The following STK4 variants were observed in gnomAD, a reference collection of about 807,000 sequenced individuals.
STK4 encodes the protein serine/threonine kinase 4.
Under a neutral mutation model 64.9 loss-of-function variants are expected in STK4, and 30 were observed. That is an observed-to-expected ratio of 0.46 (90% confidence interval 0.35 to 0.63). The LOEUF (loss-of-function observed/expected upper bound fraction) is 0.63. Among genes scored for constraint, STK4 ranks in the 20% least tolerant of loss-of-function variants. STK4 has a pLI of 0.01. For missense variants in STK4, 466 were observed against 598.5 expected, an observed-to-expected ratio of 0.78 and a Z score of 2.31; for synonymous variants, 177 against 199.0, an observed-to-expected ratio of 0.89 and a Z score of 0.93.
chr20:45,057,039 G>A (rs1375868132), intron 10 of STK4, among the ~76,000 whole-genome samples: 1 of 152,210 alleles, frequency 6.6e-6, no homozygotes, highest in Admixed American at 6.5e-5. Flanking sequence ...AGCAGGGTGT[G>A]GGCCCTGGCT....
At chr20:45,031,590 A>G (rs911324018) in intron 10 of STK4, among the ~76,000 whole-genome samples, 2 of 152,162 alleles carry the variant, frequency 1.3e-5, no homozygotes, top group African/African-American at 2.4e-5. Flanking sequence ...ACTAAAAGAA[A>G]GTGGGTGAAA....
intron 4 of STK4, among the ~76,000 whole-genome samples, chr20:44,984,870 C>G (rs2067505301): frequency 6.6e-6 from 1 of 151,726 alleles, no homozygotes; most frequent in Non-Finnish European, 1.5e-5. Flanking sequence ...TATGTTGGAA[C>G]TGCTGGGCTC....
intron 10 of STK4, among the ~76,000 whole-genome samples, chr20:45,068,560 G>A (rs1979785116): frequency 6.6e-6 from 1 of 152,342 alleles, no homozygotes; most frequent in South Asian, 2.1e-4. Context: ...TTCTGAATGT[G>A]AGGGCCATCT....
chr20:44,972,291 T>G (rs2067261832), intron 2 of STK4, 133 bp downstream of exon 2: 1 of 739,780 alleles, frequency 1.4e-6, no homozygotes, highest in Non-Finnish European at 2.3e-6. Context: ...TGTGATGTCC[T>G]TCTTCGCTTT....
At chr20:45,074,876 C>G in intron 10 of STK4, 142 bp from the exon 11 acceptor site, 1 of 909,968 alleles carries the variant, frequency 1.1e-6, no homozygotes, top group Non-Finnish European at 1.6e-6. Flanking sequence ...ACTTTCCAAC[C>G]ACCACCACTC....
chr20:45,040,633 CTTT>C (rs11476443), intron 10 of STK4, among the ~76,000 whole-genome samples: 4 of 142,610 alleles, frequency 2.8e-5, no homozygotes, highest in African/African-American at 2.6e-5. Flanking sequence ...GGAAACAGAC[CTTT>C]TTTTTTTTTT....
chr20:44,968,238 A>G (rs568713005), intron 1 of STK4, among the ~76,000 whole-genome samples: 1 of 152,194 alleles, frequency 6.6e-6, no homozygotes, highest in South Asian at 2.1e-4. Context: ...TCTGGGTTCA[A>G]GCGATTCTCC....
chr20:44,968,167 T>G (rs977588974), intron 1 of STK4, among the ~76,000 whole-genome samples: 1 of 151,776 alleles, frequency 6.6e-6, no homozygotes, highest in African/African-American at 2.4e-5. Context: ...AGACGGAGTC[T>G]CACTCTGTCG....
chr20:45,049,507 A>T (rs1475323402), intron 10 of STK4, among the ~76,000 whole-genome samples: 1 of 152,176 alleles, frequency 6.6e-6, no homozygotes, highest in African/African-American at 2.4e-5. Flanking sequence ...ATAAACTACA[A>T]CTATTCTTTT....
At chr20:44,980,307 G>A (rs2067415128) in intron 3 of STK4, among the ~76,000 whole-genome samples, 3 of 152,074 alleles carry the variant, frequency 2.0e-5, no homozygotes, top group Admixed American at 2.0e-4. Context: ...CTTGTCACTG[G>A]CATGTTTCCT....
At chr20:45,023,982 G>A (rs527422921) in intron 9 of STK4, among the ~76,000 whole-genome samples, 2 of 142,316 alleles carry the variant, frequency 1.4e-5, no homozygotes, top group Admixed American at 1.5e-4. Flanking sequence ...CTAACTGCAA[G>A]CTCTGCCTCC....
At chr20:45,051,771 A>G (rs1447004912) in intron 10 of STK4, among the ~76,000 whole-genome samples, 3 of 152,208 alleles carry the variant, frequency 2.0e-5, no homozygotes, top group Admixed American at 6.5e-5. Context: ...TGTTTAGGTC[A>G]GGCTTGCAGG....
intron 9 of STK4, among the ~76,000 whole-genome samples, chr20:45,008,067 A>AT (rs2067980959): frequency 6.6e-6 from 1 of 152,136 alleles, no homozygotes; most frequent in African/African-American, 2.4e-5. Flanking sequence ...ACATAATTGC[A>AT]TTTTTTTAAC....
At chr20:45,029,963 C>G (rs1444818526) in intron 10 of STK4, among the ~76,000 whole-genome samples, 1 of 152,086 alleles carries the variant, frequency 6.6e-6, no homozygotes, top group Non-Finnish European at 1.5e-5. Flanking sequence ...CAAAGAAGCA[C>G]ATAAAATATG....
At chr20:45,033,465 G>A (rs2068477495) in intron 10 of STK4, among the ~76,000 whole-genome samples, 1 of 152,032 alleles carries the variant, frequency 6.6e-6, no homozygotes, top group African/African-American at 2.4e-5. Context: ...TTTAAGGAGG[G>A]GGGTCCAGTT....
intron 10 of STK4, 76 bp from the exon 11 acceptor site, chr20:45,074,941 TG>T: frequency 6.4e-7 from 1 of 1,562,436 alleles, no homozygotes; most frequent in Non-Finnish European, 8.8e-7. Context: ...TCTGGGTGCC[TG>T]GGAAGGCTGG....
At chr20:45,021,493 A>G (rs1219456684) in intron 9 of STK4, among the ~76,000 whole-genome samples, 2 of 152,240 alleles carry the variant, frequency 1.3e-5, no homozygotes, top group Non-Finnish European at 2.9e-5. Context: ...TTCTGGAATC[A>G]CTAAATACAA....
chr20:45,073,420 T>A (rs987333527), intron 10 of STK4, among the ~76,000 whole-genome samples: 1 of 152,072 alleles, frequency 6.6e-6, no homozygotes, highest in African/African-American at 2.4e-5. Flanking sequence ...ACAGGCCATT[T>A]CTAGGGAGGC....
intron 5 of STK4, among the ~76,000 whole-genome samples, chr20:44,988,533 G>GTGTGTGTGTGTGTATATATATA (rs1221720136): frequency 6.9e-5 from 7 of 101,576 alleles, no homozygotes; most frequent in African/African-American, 3.3e-4. Context: ...ATGTGTGTGT[G>GTGTGTGTGTGTGTATATATATA]TATATATATA....
Sources: gnomAD v4.1 joint callset for allele counts (sites outside exome capture counted in the v4.1 genomes callset) on GRCh38, gnomAD v4.1.1 for gene constraint, MANE v1.5 for transcripts, NCBI Gene and HGNC (gene_info 2026-07-23, HGNC 2026-07-21) for gene names.